Variants in SCHIP1 observed in about 807,000 individuals in gnomAD.
SCHIP1 encodes the protein schwannomin-interacting protein 1.
Under a neutral mutation model 29.7 loss-of-function variants are expected in SCHIP1, and 8 were observed. That is an observed-to-expected ratio of 0.27 (90% CI 0.16 to 0.49). The LOEUF is 0.49. Ranked by LOEUF, SCHIP1 falls within the 20% of genes least tolerant of loss-of-function variation. The pLI, the probability that SCHIP1 is intolerant of heterozygous loss-of-function variation, is 0.99. For synonymous variants in SCHIP1, 76 were observed against 94.9 expected (o/e 0.80, Z 1.16); for missense variants, 193 against 294.6 (o/e 0.66, Z 2.52).
chr3:159,867,328 A>G (rs1714728934), intron 2 of SCHIP1, among the ~76,000 whole-genome samples: 1 of 152,126 alleles, frequency 6.6e-6, no homozygotes, highest in South Asian at 2.1e-4. Context: ...TAACCAACAT[A>G]TTTCTTCCAT....
At chr3:159,320,987 C>G in the SCHIP1 span, among the ~76,000 whole-genome samples, 538 of 152,170 alleles carry the variant, frequency 3.5e-3, 3 homozygotes, top group African/African-American at 0.012. Flanking sequence ...TTTTTTGAGA[C>G]AGAATCTCTG....
chr3:159,439,986 T>A, the SCHIP1 span, among the ~76,000 whole-genome samples: 5 of 152,192 alleles, frequency 3.3e-5, no homozygotes, highest in African/African-American at 1.2e-4. Flanking sequence ...CATGCCTATA[T>A]CCTGAATGAC....
the SCHIP1 span, among the ~76,000 whole-genome samples, chr3:159,380,821 G>A: frequency 8.5e-5 from 13 of 152,148 alleles, no homozygotes; most frequent in South Asian, 2.1e-4. Context: ...TTCAAATACC[G>A]TATGGTCTGA....
At chr3:159,715,431 G>T in the SCHIP1 span, among the ~76,000 whole-genome samples, 22 of 152,204 alleles carry the variant, frequency 1.4e-4, no homozygotes, top group Non-Finnish European at 2.6e-4. Context: ...GGCTTCAGAA[G>T]ATCAGTAATA....
At chr3:159,428,790 C>T in the SCHIP1 span, among the ~76,000 whole-genome samples, 1 of 152,046 alleles carries the variant, frequency 6.6e-6, no homozygotes, top group Non-Finnish European at 1.5e-5. Flanking sequence ...AGACTTGGAA[C>T]CAACCCAAAT....
chr3:159,314,212 T>G, the SCHIP1 span, among the ~76,000 whole-genome samples: 1 of 152,234 alleles, frequency 6.6e-6, no homozygotes, highest in Admixed American at 6.5e-5. Context: ...CTCAGCATTC[T>G]GATGGGTAGA....
At chr3:159,526,993 A>G in the SCHIP1 span, among the ~76,000 whole-genome samples, 1 of 152,142 alleles carries the variant, frequency 6.6e-6, no homozygotes, top group Admixed American at 6.5e-5. Flanking sequence ...TCATGTCACC[A>G]TGCTTCTGGG....
the SCHIP1 span, among the ~76,000 whole-genome samples, chr3:159,491,853 T>A: frequency 6.6e-6 from 1 of 152,120 alleles, no homozygotes; most frequent in East Asian, 1.9e-4. Flanking sequence ...CACCCCCAAG[T>A]AGGGGCAGAC....
At chr3:159,804,981 G>C in the SCHIP1 span, among the ~76,000 whole-genome samples, 45 of 152,276 alleles carry the variant, frequency 3.0e-4, no homozygotes, top group South Asian at 6.2e-4. Context: ...TCTCAAAAGA[G>C]CCAGGAACTA....
the SCHIP1 span, among the ~76,000 whole-genome samples, chr3:159,497,531 G>A: frequency 6.6e-6 from 1 of 151,904 alleles, no homozygotes; most frequent in Admixed American, 6.6e-5. Context: ...AGAAGGGCTA[G>A]GAAAACTGCC....
the SCHIP1 span, among the ~76,000 whole-genome samples, chr3:159,532,297 T>C: frequency 2.0e-5 from 3 of 151,964 alleles, no homozygotes; most frequent in African/African-American, 4.8e-5. Flanking sequence ...TACAAGTGAG[T>C]CTGAATTGGG....
the SCHIP1 span, among the ~76,000 whole-genome samples, chr3:159,277,767 A>G: frequency 6.6e-6 from 1 of 152,048 alleles, no homozygotes; most frequent in South Asian, 2.1e-4. Flanking sequence ...TAAAAATACA[A>G]AAATTAGTGG....
the SCHIP1 span, among the ~76,000 whole-genome samples, chr3:159,516,465 C>T: frequency 1.3e-5 from 2 of 152,218 alleles, no homozygotes; most frequent in Admixed American, 6.5e-5. Context: ...ATAAAAATTC[C>T]TCAAATCCTT....
chr3:159,395,543 G>GA, the SCHIP1 span, among the ~76,000 whole-genome samples: 1 of 151,930 alleles, frequency 6.6e-6, no homozygotes, highest in East Asian at 1.9e-4. Flanking sequence ...TGGTTTCAAA[G>GA]AACATCTTTA....
the SCHIP1 span, among the ~76,000 whole-genome samples, chr3:159,826,778 A>G: frequency 1.3e-5 from 2 of 152,240 alleles, no homozygotes; most frequent in Non-Finnish European, 2.9e-5. Flanking sequence ...ACTTTCAACA[A>G]GTGAACACTT....
the SCHIP1 span, among the ~76,000 whole-genome samples, chr3:159,558,804 C>T: frequency 6.6e-6 from 1 of 152,250 alleles, no homozygotes; most frequent in South Asian, 2.1e-4. Context: ...GTCATTCAGT[C>T]TTATTTGCTA....
At chr3:159,769,441 A>T in the SCHIP1 span, among the ~76,000 whole-genome samples, 3 of 152,098 alleles carry the variant, frequency 2.0e-5, no homozygotes, top group Non-Finnish European at 4.4e-5. Flanking sequence ...GCCTATTTTG[A>T]CGCTTTTCTT....
At chr3:159,525,671 T>G in the SCHIP1 span, among the ~76,000 whole-genome samples, 1 of 152,206 alleles carries the variant, frequency 6.6e-6, no homozygotes, top group Admixed American at 6.5e-5. Context: ...GGCTGCATCA[T>G]TATATACCAT....
At chr3:159,523,493 AAAGT>A in the SCHIP1 span, among the ~76,000 whole-genome samples, 3 of 152,224 alleles carry the variant, frequency 2.0e-5, no homozygotes, top group Non-Finnish European at 4.4e-5. Context: ...TGTCTTTTAA[AAAGT>A]AAGTATCTGA....
Sources: allele counts gnomAD v4.1 joint callset (sites outside exome capture counted in the v4.1 genomes callset), GRCh38; gene constraint gnomAD v4.1.1; transcripts MANE v1.5; gene names NCBI Gene and HGNC (gene_info 2026-07-23, HGNC 2026-07-21).